The following SLC35D4 variants were observed in gnomAD, a reference collection of about 807,000 sequenced individuals.
The protein encoded by SLC35D4 is solute carrier family 35 member D4.
At chr18:23,303,857 G>A in the SLC35D4 span, among the ~76,000 whole-genome samples, 30 of 151,168 alleles carry the variant, frequency 2.0e-4, no homozygotes, top group East Asian at 5.8e-4. Flanking sequence ...AGCTGAGATC[G>A]CGCCACTGCA....
At chr18:23,260,177 G>A in the SLC35D4 span, 1 of 152,250 alleles carries the variant, frequency 6.6e-6, no homozygotes. Context: ...ACACCTTGAA[G>A]TCACCACTTT....
chr18:23,250,533 G>C, the SLC35D4 span, among the ~76,000 whole-genome samples: 6 of 152,328 alleles, frequency 3.9e-5, no homozygotes, highest in East Asian at 3.9e-4. Context: ...TGTTGGAGAT[G>C]AAATAGAGCC....
chr18:23,327,927 A>C, the SLC35D4 span, among the ~76,000 whole-genome samples: 1 of 152,226 alleles, frequency 6.6e-6, no homozygotes, highest in Non-Finnish European at 1.5e-5. Flanking sequence ...GTAATCCATC[A>C]CATGAACAGA....
chr18:23,271,194 C>T, the SLC35D4 span, among the ~76,000 whole-genome samples: 1 of 152,230 alleles, frequency 6.6e-6, no homozygotes, highest in African/African-American at 2.4e-5. Context: ...CCTACAAACA[C>T]TCTGTCTCAT....
At chr18:23,279,183 T>C in the SLC35D4 span, among the ~76,000 whole-genome samples, 1 of 152,186 alleles carries the variant, frequency 6.6e-6, no homozygotes, top group African/African-American at 2.4e-5. Context: ...AGGCCCAAGA[T>C]GGATGCTAGA....
the SLC35D4 span, among the ~76,000 whole-genome samples, chr18:23,335,847 A>G: frequency 2.0e-5 from 3 of 152,230 alleles, no homozygotes; most frequent in African/African-American, 7.2e-5. Flanking sequence ...TTTTTAAAAA[A>G]TTATCTGGGA....
At chr18:23,330,324 A>T in the SLC35D4 span, among the ~76,000 whole-genome samples, 1 of 152,224 alleles carries the variant, frequency 6.6e-6, no homozygotes, top group Non-Finnish European at 1.5e-5. Flanking sequence ...CTATTATGGT[A>T]GAGTCCCATA....
chr18:23,265,229 CAGG>C, the SLC35D4 span, among the ~76,000 whole-genome samples: 1 of 152,272 alleles, frequency 6.6e-6, no homozygotes, highest in Non-Finnish European at 1.5e-5. Flanking sequence ...AATGAGAGAG[CAGG>C]AGGAGAACGG....
chr18:23,387,909 AT>A, the SLC35D4 span, among the ~76,000 whole-genome samples: 1 of 152,170 alleles, frequency 6.6e-6, no homozygotes, highest in South Asian at 2.1e-4. Flanking sequence ...TATTAAAGAG[AT>A]TACATATTTT....
At chr18:23,321,407 G>A in the SLC35D4 span, among the ~76,000 whole-genome samples, 13 of 152,002 alleles carry the variant, frequency 8.6e-5, no homozygotes, top group African/African-American at 2.9e-4. Flanking sequence ...ACCAGGCTCA[G>A]CCAACCACTA....
chr18:23,273,990 T>C, the SLC35D4 span, among the ~76,000 whole-genome samples: 4 of 152,186 alleles, frequency 2.6e-5, no homozygotes, highest in African/African-American at 9.7e-5. Context: ...CAGAGTGCAG[T>C]GGCACAATCA....
the SLC35D4 span, among the ~76,000 whole-genome samples, chr18:23,315,167 C>T: frequency 2.0e-5 from 3 of 152,304 alleles, no homozygotes; most frequent in South Asian, 2.1e-4. Flanking sequence ...CCCTTGCCTG[C>T]TTCTTCAGCC....
chr18:23,365,746 GA>G, the SLC35D4 span: 2 of 1,547,470 alleles, frequency 1.3e-6, no homozygotes, highest in Admixed American at 1.9e-5. Flanking sequence ...ATTTTACTTG[GA>G]AATAGTTAAA....
At chr18:23,392,699 G>A in the SLC35D4 span, among the ~76,000 whole-genome samples, 5 of 152,316 alleles carry the variant, frequency 3.3e-5, no homozygotes, top group Non-Finnish European at 5.9e-5. Context: ...TGGCATTAAC[G>A]CATGGGTGGG....
the SLC35D4 span, among the ~76,000 whole-genome samples, chr18:23,413,851 G>C: frequency 6.6e-6 from 1 of 152,036 alleles, no homozygotes; most frequent in East Asian, 1.9e-4. Flanking sequence ...GACTGAGGCG[G>C]GAGAAGTGCT....
the SLC35D4 span, among the ~76,000 whole-genome samples, chr18:23,256,958 A>G: frequency 6.6e-6 from 1 of 152,318 alleles, no homozygotes; most frequent in South Asian, 2.1e-4. Flanking sequence ...ACGGAGCATG[A>G]ACCATGTCAT....
At chr18:23,429,034 G>A in the SLC35D4 span, among the ~76,000 whole-genome samples, 15,746 of 152,068 alleles carry the variant, frequency 0.1, 1,098 homozygotes, top group Middle Eastern at 0.19. Context: ...TCTTTTTTAC[G>A]GCTGCATAGT....
chr18:23,270,274 T>C, the SLC35D4 span, among the ~76,000 whole-genome samples: 15 of 152,374 alleles, frequency 9.8e-5, no homozygotes, highest in Middle Eastern at 3.4e-3. Context: ...AGCTTACACA[T>C]GGCATTGGGT....
chr18:23,371,793 A>G, the SLC35D4 span, among the ~76,000 whole-genome samples: 13 of 151,966 alleles, frequency 8.6e-5, no homozygotes, highest in African/African-American at 2.9e-4. Flanking sequence ...CTGTCCCTGA[A>G]TAAGGATAAC....
Sources: allele counts gnomAD v4.1 joint callset (sites outside exome capture counted in the v4.1 genomes callset), GRCh38; gene constraint gnomAD v4.1.1; transcripts MANE v1.5; gene names NCBI Gene and HGNC (gene_info 2026-07-23, HGNC 2026-07-21).